RAD51B: variants seen among roughly 807,000 people sequenced by gnomAD.
The protein encoded by RAD51B is DNA repair protein RAD51 homolog 2.
A neutral mutation model predicts 42.2 loss-of-function variants in RAD51B; 38 were observed. That is an observed-to-expected ratio of 0.90 (90% CI 0.70 to 1.18). The LOEUF (loss-of-function observed/expected upper bound fraction) is 1.18, where lower values mean the gene tolerates loss of function less well. RAD51B is among the 50% of genes most tolerant of loss of function. The probability of loss-of-function intolerance (pLI) is 0.00; values close to 1 mark genes in which losing one functional copy is unlikely to be tolerated. For missense variants in RAD51B, 373 were observed against 400.7 expected, an observed-to-expected ratio of 0.93 and a Z score of 0.59; for synonymous variants, 154 against 145.2, an observed-to-expected ratio of 1.06 and a Z score of -0.43.
At chr14:67,901,344 A>C (rs1254816343) in intron 7 of RAD51B, among the ~76,000 whole-genome samples, 1 of 152,214 alleles carries the variant, frequency 6.6e-6, no homozygotes, top group Non-Finnish European at 1.5e-5. Context: ...CCTGTGCCTA[A>C]GTTGGGATGG....
At chr14:67,974,854 A>G (rs1036031022) in intron 7 of RAD51B, among the ~76,000 whole-genome samples, 1 of 152,164 alleles carries the variant, frequency 6.6e-6, no homozygotes, top group African/African-American at 2.4e-5. Context: ...TGTGAACTGT[A>G]TCAACTTTAA....
At chr14:68,425,910 G>A (rs1160727706) in intron 9 of RAD51B, among the ~76,000 whole-genome samples, 3 of 149,954 alleles carry the variant, frequency 2.0e-5, no homozygotes, top group Non-Finnish European at 4.4e-5. Context: ...AATGTTAGTA[G>A]AAATAGAGAC....
chr14:68,568,189 A>G (rs935223545), intron 10 of RAD51B, among the ~76,000 whole-genome samples: 3 of 152,252 alleles, frequency 2.0e-5, no homozygotes, highest in African/African-American at 7.2e-5. Flanking sequence ...CAGAAAGGTA[A>G]GCAAACAGAT....
intron 9 of RAD51B, among the ~76,000 whole-genome samples, chr14:68,412,632 C>T (rs565987043): frequency 7.2e-5 from 11 of 152,270 alleles, no homozygotes; most frequent in Middle Eastern, 6.8e-3. Context: ...TTGGTGATCA[C>T]GTCAGCCATG....
At chr14:68,153,468 G>A (rs2078433540) in intron 7 of RAD51B, among the ~76,000 whole-genome samples, 1 of 152,022 alleles carries the variant, frequency 6.6e-6, no homozygotes, top group African/African-American at 2.4e-5. Flanking sequence ...GTGTATAAGT[G>A]TTTCCTGTTC....
intron 7 of RAD51B, among the ~76,000 whole-genome samples, chr14:68,175,887 A>G (rs542761041): frequency 3.3e-5 from 5 of 152,326 alleles, no homozygotes; most frequent in African/African-American, 1.2e-4. Flanking sequence ...CCAATGGCTT[A>G]ATGATTTCTC....
rs552155274 is a variant in RAD51B at position 68,431,339 on chromosome 14, C to G, written c.957+19812C>G. Among the ~76,000 whole-genome samples the G allele has an allele frequency of 1.2e-4, 19 of 152,170 alleles. 1 individual carries two copies. The South Asian group carries it at 1.5e-3, about 12-fold the overall frequency. ...TCAGAAGGAATGGTACCAGCTCCTTCTTGTACCTCTGGTAGAATTCGGCTG... is the reference window on the plus strand; with the variant it reads ...TCAGAAGGAATGGTACCAGCTCCTTGTTGTACCTCTGGTAGAATTCGGCTG... On this transcript the variant is annotated intron_variant, in intron 9 of 10. Transcript: ENST00000471583.
exon 11 of RAD51B, chr14:68,594,652 C>A: frequency 7.8e-7 from 1 of 1,276,738 alleles, no homozygotes; most frequent in Non-Finnish European, 1.0e-6. Context: ...TGATCTCAAA[C>A]TCCTGGCTTC....
At chr14:67,944,155 C>G (rs985476224) in intron 7 of RAD51B, among the ~76,000 whole-genome samples, 1 of 149,416 alleles carries the variant, frequency 6.7e-6, no homozygotes, top group African/African-American at 2.5e-5. Flanking sequence ...TCTTTTGTAC[C>G]ACCAAGACAA....
intron 11 of RAD51B, among the ~76,000 whole-genome samples, chr14:68,677,532 G>C (rs751814654): frequency 6.6e-6 from 1 of 152,050 alleles, no homozygotes; most frequent in Admixed American, 6.5e-5. Flanking sequence ...CACCTCACCC[G>C]TTTGCCCTTT....
chr14:68,634,483 G>A (rs4899249), intron 10 of RAD51B, among the ~76,000 whole-genome samples: 21,376 of 151,982 alleles, frequency 0.14, 1,669 homozygotes, highest in South Asian at 0.19. Flanking sequence ...AAAGCCCGTC[G>A]CCTTTGCCTC....
At chr14:68,369,636 A>G (rs1055140644) in intron 8 of RAD51B, among the ~76,000 whole-genome samples, 3 of 152,164 alleles carry the variant, frequency 2.0e-5, no homozygotes, top group African/African-American at 7.2e-5. Context: ...TAGGTGCCAT[A>G]TCTTTCACTT....
intron 7 of RAD51B, among the ~76,000 whole-genome samples, chr14:68,159,752 C>A (rs1053186768): frequency 2.0e-5 from 3 of 152,002 alleles, no homozygotes; most frequent in Non-Finnish European, 4.4e-5. Context: ...TATGCCATTT[C>A]TTTAGCGTTA....
intron 10 of RAD51B, among the ~76,000 whole-genome samples, chr14:68,556,225 C>T (rs780409653): frequency 1.3e-5 from 2 of 152,198 alleles, no homozygotes; most frequent in Non-Finnish European, 2.9e-5. Context: ...AGTCAGGCAA[C>T]GGGGACAGAC....
chr14:68,150,850 C>T (rs889422151), intron 7 of RAD51B, among the ~76,000 whole-genome samples: 13 of 152,032 alleles, frequency 8.6e-5, no homozygotes, highest in East Asian at 7.7e-4. Context: ...AAGAACCTTA[C>T]GATAGTCTTA....
At chr14:68,111,360 A>G (rs1478560250) in intron 7 of RAD51B, among the ~76,000 whole-genome samples, 1 of 152,132 alleles carries the variant, frequency 6.6e-6, no homozygotes, top group African/African-American at 2.4e-5. Context: ...ATTGGGTTCT[A>G]TTAGAGAAGA....
intron 7 of RAD51B, among the ~76,000 whole-genome samples, chr14:68,154,339 A>G (rs1198782727): frequency 6.6e-6 from 1 of 152,228 alleles, no homozygotes; most frequent in East Asian, 1.9e-4. Context: ...CCGTCTGAGT[A>G]TTCTATCCAA....
At chr14:68,558,114 T>A (rs1225285673) in intron 10 of RAD51B, among the ~76,000 whole-genome samples, 5 of 152,206 alleles carry the variant, frequency 3.3e-5, no homozygotes, top group Non-Finnish European at 7.3e-5. Flanking sequence ...TTCCAGGTGA[T>A]CAAGCTTGGG....
chr14:68,668,755 A>G (rs926556510), intron 11 of RAD51B, among the ~76,000 whole-genome samples: 1 of 152,220 alleles, frequency 6.6e-6, no homozygotes, highest in Non-Finnish European at 1.5e-5. Flanking sequence ...GATCCGTGAC[A>G]TCTCTCCCAA....
Sources: allele counts gnomAD v4.1 joint callset (sites outside exome capture counted in the v4.1 genomes callset), GRCh38; gene constraint gnomAD v4.1.1; transcripts MANE v1.5; gene names NCBI Gene and HGNC (gene_info 2026-07-23, HGNC 2026-07-21).